The following KCND1 variants were observed in gnomAD, a reference collection of about 807,000 sequenced individuals.
KCND1 encodes potassium voltage-gated channel subfamily D member 1.
KCND1 carries 11 observed loss-of-function variants against 31.8 expected under a neutral mutation model. That is an observed-to-expected ratio of 0.35 (90% CI 0.22 to 0.57). KCND1 has a LOEUF of 0.57. Ranked by LOEUF, KCND1 falls within the 20% of genes least tolerant of loss-of-function variation. The pLI is 0.85. For missense variants in KCND1, 471 were observed against 596.8 expected (o/e 0.79, Z 2.20); for synonymous variants, 234 against 248.1 (o/e 0.94, Z 0.53).
In KCND1 at chrX:48,969,456, G is replaced by T. The variant is rs2064371271; in HGVS notation, c.816C>A (p.Ile272=). 5.0e-6 allele frequency: 6 copies of T among 1,209,935 alleles called. No individual in the cohort carries two copies. The highest frequency in any genetic ancestry group is 3.5e-5 in the South Asian group (2 of 56,726). Residue 272 remains isoleucine, a synonymous_variant, in exon 1 of 6, where the codon ATC becomes ATA. Coordinates refer to ENST00000218176, the MANE Select transcript of KCND1 (RefSeq NM_004979.6). ...SVMSLIDVVA[I]LPYYIGLLVP... ...CCAAAAGCCCAATGTAGTAGGGCAG[G>T]ATGGCCACCACGTCGATGAGGCTCA...
chrX:48,962,820 TGGA>T lies in KCND1; in HGVS notation c.1719-17_1719-15del. ...AGGCTGGAACGGCTGTGGACAAGGG[TGGA>T]GAAGATGGAAGGCTCTTAAAAAGTT... On this transcript the variant is annotated splice_polypyrimidine_tract_variant and intron_variant, in intron 5 of 5. Transcript: ENST00000218176. 2 of 1,177,833 alleles carry T rather than the reference TGGA, an allele frequency of 1.7e-6. No homozygotes were observed. Among genetic ancestry groups the T allele is most frequent in the East Asian group, 6.0e-5 (2 of 33,464 alleles).
chrX:48,966,259 G>T lies in KCND1; in HGVS notation c.1514C>A (p.Ala505Asp), dbSNP rs1557058009. The change falls in exon 5 of 6, where the codon GCC (alanine) becomes GAC (aspartate). Residue 505 changes from alanine to aspartate, a missense_variant. Physicochemically the swap from Ala to Asp is moderately radical, Grantham distance 126. Coordinates refer to ENST00000218176, the MANE Select transcript of KCND1 (RefSeq NM_004979.6). ...DELTFSEALG[A>D]VSPGGRTSRS... ...GCTGGTGCGGCCACCCGGCGAGACG[G>T]CTCCCAGGGCTTCACTGAAGGTGAG... 1.7e-6 allele frequency: 2 copies of T among 1,193,168 alleles called. No homozygotes were observed. Among genetic ancestry groups the T allele is most frequent in the Admixed American group, 2.4e-5 (1 of 41,542 alleles).
In KCND1 at chrX:48,966,598, G is replaced by A. The variant is rs1205089155; in HGVS notation, c.1447C>T (p.His483Tyr). ...AFEQQHHHLLHCLEKTTCHEF... is the reference protein window; with the variant it reads ...AFEQQHHHLLYCLEKTTCHEF... ...CTCACCGTTGTCTTCTCTAGACAGT[G>A]CAGCAAGTGGTGATGTTGCTGTTCA... The change falls in exon 4 of 6, where the codon CAC becomes TAC. Residue 483 changes from histidine (H) to tyrosine (Y), a missense_variant. This residue lies in a region of KCND1 where 185 missense variants were observed against 184.7 expected (regional missense o/e 1.00). Transcript: ENST00000218176. The A allele has an allele frequency of 8.3e-7, 1 of 1,209,205 alleles. No individual in the cohort carries two copies. Among genetic ancestry groups the A allele is most frequent in the East Asian group, 3.0e-5 (1 of 33,803 alleles).
Position 48,962,685 on chromosome X carries a change from G to T in KCND1, c.1840C>A (p.Pro614Thr), listed in dbSNP as rs1557057314. The T allele has an allele frequency of 8.3e-7, 1 of 1,210,819 alleles. No individual in the cohort carries two copies. The highest frequency in any genetic ancestry group is 3.0e-5 in the East Asian group (1 of 33,821). ...PPANTPDESQ[P>T]SSPGGGGRAG... ...CTGCCACCGCCGCCAGGGGAGGAAG[G>T]TTGGCTCTCATCTGGGGTGTTGGCA... Residue 614 changes from proline (P) to threonine (T), a missense_variant, in exon 6 of 6, where the codon CCT becomes ACT. Pro to Thr is a conservative substitution (Grantham distance 38). This residue lies in a region of KCND1 where 185 missense variants were observed against 184.7 expected (regional missense o/e 1.00). Coordinates refer to ENST00000218176, the MANE Select transcript of KCND1 (RefSeq NM_004979.6).
In KCND1 at chrX:48,970,573, G is replaced by A; in HGVS notation, c.-302C>T. 1 of 276,863 alleles carries A rather than the reference G, an allele frequency of 3.6e-6. No individual in the cohort carries two copies. The highest frequency in any genetic ancestry group is 6.3e-6 in the Non-Finnish European group (1 of 159,275). The allele number at this position is 276,863 out of a possible 1,213,427, so 22.8% of individuals were successfully genotyped here. A position where few individuals can be genotyped will look rare whatever the true frequency, so the allele number is the denominator to read the frequency against. ...GGGGCCAAGAAGGAGCTGAGGGAGG[G>A]TTTAGAGAGACTGAGATGATTCTAA... On this transcript the variant is annotated 5_prime_UTR_variant, in exon 1 of 6. Transcript: ENST00000218176.
In KCND1 at chrX:48,962,051, T is replaced by G. The variant is rs2064323126; in HGVS notation, c.*530A>C. On this transcript the variant is annotated 3_prime_UTR_variant, in exon 6 of 6. Coordinates refer to ENST00000218176, the MANE Select transcript of KCND1 (RefSeq NM_004979.6). ...AGGTCGCTGCAGAGGCCACAGCCCA[T>G]GAAGCCTGTGTTTGCATTCCAAGCT... is the stretch of plus-strand genomic sequence containing the variant. 1 of 114,442 alleles carries G rather than the reference T, an allele frequency of 8.7e-6. No homozygotes were observed. The highest frequency in any genetic ancestry group is 9.1e-5 in the Admixed American group (1 of 10,938). The allele number at this position is 114,442 out of a possible 1,213,427, so 9.4% of individuals were successfully genotyped here.
In KCND1 at chrX:48,969,446, A is replaced by G. The variant is rs1557058453; in HGVS notation, c.826T>C (p.Tyr276His). The G allele has an allele frequency of 8.3e-7, 1 of 1,211,183 alleles. No homozygotes were observed. ...LIDVVAILPY[Y>H]IGLLVPKNDD... ...TTCTTGGGCACCAAAAGCCCAATGT[A>G]GTAGGGCAGGATGGCCACCACGTCG... Residue 276 changes from tyrosine to histidine, a missense_variant, in exon 1 of 6, where the codon TAC (tyrosine) becomes CAC (histidine). Physicochemically the swap from Tyr to His is moderately conservative, Grantham distance 83. Transcript: ENST00000218176.
chrX:48,963,535 A>G (rs1557057533), intron 5 of KCND1, among the ~76,000 whole-genome samples: 2 of 111,242 alleles, frequency 1.8e-5, no homozygotes. Context: ...TAAGTACTTA[A>G]GTACTTCTCC....
chrX:48,969,908 C>T lies in KCND1; in HGVS notation c.364G>A (p.Gly122Ser), dbSNP rs2064376612. The T allele has an allele frequency of 1.7e-6, 2 of 1,209,927 alleles. No homozygotes were observed. The highest frequency in any genetic ancestry group is 1.7e-5 in the African/African-American group (1 of 57,368). Residue 122 changes from glycine to serine, a missense_variant, in exon 1 of 6, where the codon GGC becomes AGC. Coordinates refer to ENST00000218176, the MANE Select transcript of KCND1 (RefSeq NM_004979.6). ...QAFDEELAFYGLVPELVGDCC... is the reference protein window; with the variant it reads ...QAFDEELAFYSLVPELVGDCC... The stretch of plus-strand genomic sequence containing the variant: ...TCACCGACTAGCTCGGGAACCAGGC[C>T]GTAGAAAGCCAGCTCTTCGTCGAAG...
intron 5 of KCND1, among the ~76,000 whole-genome samples, chrX:48,965,234 A>G (rs1337098442): frequency 9.2e-6 from 1 of 108,559 alleles, no homozygotes; most frequent in African/African-American, 3.3e-5. Context: ...TTATATTTTT[A>G]ATAGAAACAG....
chrX:48,970,212 C>G lies in KCND1; in HGVS notation c.60G>C (p.Leu20=), dbSNP rs2064380152. 8.3e-7 allele frequency: 1 copy of G among 1,206,879 alleles called. No homozygotes were observed. Among genetic ancestry groups the G allele is most frequent in the East Asian group, 3.0e-5 (1 of 33,698 alleles). The change falls in exon 1 of 6, where the codon CTG becomes CTC. Residue 20 remains leucine, a synonymous_variant. Coordinates refer to ENST00000218176, the MANE Select transcript of KCND1 (RefSeq NM_004979.6). ...GGGGCAGGGGTTGCTGGGCCAGGGG[C>G]AGCCAGCCCACTGCTGCTGCCCGAG... ...PFARAAAVGW[L]PLAQQPLPPA...
In KCND1 at chrX:48,969,945, C is replaced by G; in HGVS notation, c.327G>C (p.Glu109Asp). The change falls in exon 1 of 6, where the codon GAG becomes GAC. Residue 109 changes from glutamate (E) to aspartate (D), a missense_variant. By Grantham distance (45) the Glu-to-Asp change is conservative. Around this residue, in one of 3 missense-constraint regions of KCND1, gnomAD observed 212 missense variants for 257.9 expected, o/e 0.82. Coordinates refer to ENST00000218176, the MANE Select transcript of KCND1 (RefSeq NM_004979.6). ...GCTCTTCGTCGAAGGCCTGGATGCACTCCTGCCGTGGGCAATGCAGCCGCC... is the reference window on the plus strand; with the variant it reads ...GCTCTTCGTCGAAGGCCTGGATGCAGTCCTGCCGTGGGCAATGCAGCCGCC... ...RTGRLHCPRQ[E>D]CIQAFDEELA... 1 of 1,211,195 alleles carries G rather than the reference C, an allele frequency of 8.3e-7. No individual in the cohort carries two copies. The highest frequency in any genetic ancestry group is 1.1e-6 in the Non-Finnish European group (1 of 895,124).
chrX:48,965,028 A>AT (rs2064345690), intron 5 of KCND1, among the ~76,000 whole-genome samples: 1 of 105,918 alleles, frequency 9.4e-6, no homozygotes, highest in African/African-American at 3.4e-5. Flanking sequence ...AAAAAAAAAA[A>AT]ACTGCATCAC....
At position 48,969,379 on chromosome X, in the gene KCND1, C is replaced by T. The variant is rs782510442; in HGVS notation, c.893G>A (p.Arg298Gln). The change falls in exon 1 of 6, where the codon CGG becomes CAG. Residue 298 changes from arginine to glutamine, a missense_variant. Arg to Gln is a conservative substitution (Grantham distance 43, BLOSUM62 1). Coordinates refer to ENST00000218176, the MANE Select transcript of KCND1 (RefSeq NM_004979.6). ...GGAGAACTTGAAGATGCGAAACACC[C>T]GGAACACACGCAGGGTGACAAAGGC... Reference protein sequence around the residue: ...SGAFVTLRVFRVFRIFKFSRH... With the variant: ...SGAFVTLRVFQVFRIFKFSRH... 51 of 1,208,594 alleles carry T rather than the reference C, an allele frequency of 4.2e-5. No homozygotes were observed. The highest frequency in any genetic ancestry group is 5.4e-5 in the Non-Finnish European group (48 of 894,367).
chrX:48,964,494 C>T (rs782464687), intron 5 of KCND1, among the ~76,000 whole-genome samples: 4 of 107,588 alleles, frequency 3.7e-5, no homozygotes, highest in South Asian at 4.0e-4. Context: ...CCAGTCTGGG[C>T]GACAGAGCAG....
rs782652684 is a variant in KCND1, at chrX:48,966,081, C to T, written c.1692G>A (p.Gly564=). ...GSMQELDMLA[G]LRRSHAPQSR... ...TCTGAGGGGCATGGCTCCTGCGCAG[C>T]CCTGCCAGCATGTCCAGCTCCTGCA... Residue 564 remains glycine (G), a synonymous_variant, in exon 5 of 6, where the codon GGG becomes GGA. Coordinates refer to ENST00000218176, the MANE Select transcript of KCND1 (RefSeq NM_004979.6). The T allele has an allele frequency of 9.1e-6, 11 of 1,209,075 alleles. No individual in the cohort carries two copies. Among genetic ancestry groups the T allele is most frequent in the Admixed American group, 4.4e-5 (2 of 45,874 alleles).
intron 1 of KCND1, chrX:48,967,837 G>C (rs1364809291): frequency 8.9e-6 from 1 of 111,811 alleles, no homozygotes; most frequent in African/African-American, 3.3e-5. Flanking sequence ...CCTTATTTCG[G>C]TATTTTCACT....
At chrX:48,964,429 T>C (rs912051019) in intron 5 of KCND1, among the ~76,000 whole-genome samples, 2 of 110,531 alleles carry the variant, frequency 1.8e-5, no homozygotes, top group East Asian at 2.9e-4. Flanking sequence ...AGGCAGAGAA[T>C]TGCTTGAACC....
Position 48,971,580 on chromosome X carries a change from GA to G in KCND1, c.-1310del, listed in dbSNP as rs782819165. 1 of 114,757 alleles carries G rather than the reference GA, an allele frequency of 8.7e-6. No individual in the cohort carries two copies. Among genetic ancestry groups the G allele is most frequent in the Non-Finnish European group, 1.8e-5 (1 of 54,174 alleles). 9.5% of individuals were successfully genotyped at this position (114,757 alleles called of 1,213,427 possible). On this transcript the variant is annotated 5_prime_UTR_variant, in exon 1 of 6. Transcript: ENST00000218176. Reference sequence around the variant, plus strand: ...GGAGAGAAGGTGGCATAGGCAGGGGGAGGGTGCGGGGTCCCTGGAAGGAGGC... The same window carrying G: ...GGAGAGAAGGTGGCATAGGCAGGGGGGGGTGCGGGGTCCCTGGAAGGAGGC...
Sources: gnomAD v4.1 joint callset for allele counts (sites outside exome capture counted in the v4.1 genomes callset) on GRCh38, gnomAD v4.1.1 for gene constraint, gnomAD v4.1.1 regional missense constraint, MANE v1.5 for transcripts, NCBI Gene and HGNC (gene_info 2026-07-23, HGNC 2026-07-21) for gene names.